MYEF2: variants seen among roughly 807,000 people sequenced by gnomAD.
MYEF2 encodes the protein myelin expression factor 2.
MYEF2 carries 37 observed loss-of-function variants against 75.2 expected under a neutral mutation model. That is an observed-to-expected ratio of 0.49 (90% CI 0.38 to 0.65). The LOEUF (loss-of-function observed/expected upper bound fraction) is 0.65, where lower values mean the gene tolerates loss of function less well. Among genes scored for constraint, MYEF2 ranks in the 30% least tolerant of loss-of-function variants. The pLI is 0.00. For synonymous variants in MYEF2, 195 were observed against 241.6 expected (o/e 0.81, Z 1.79); for missense variants, 634 against 771.4 (o/e 0.82, Z 2.11).
In MYEF2 at chr15:48,143,072, C is replaced by A; in HGVS notation, c.1640-1G>T. On this transcript the variant is annotated splice_acceptor_variant, in intron 16 of 16. Transcript: ENST00000324324. LOFTEE classifies it high-confidence loss of function. ...TTTATTTCTGCAAACATTACATGAC[C>A]TGTAAAATAAAAGTTACAGAATTAC... The A allele has an allele frequency of 6.6e-7, 1 of 1,513,030 alleles. No individual in the cohort carries two copies. Among genetic ancestry groups the A allele is most frequent in the South Asian group, 1.4e-5 (1 of 72,960 alleles). The allele number at this position is 1,513,030 out of a possible 1,614,324, so 93.7% of individuals were successfully genotyped here.
At chr15:48,170,120 CTGTTGT>C (rs748883983) in intron 1 of MYEF2, among the ~76,000 whole-genome samples, 40 of 151,586 alleles carry the variant, frequency 2.6e-4, no homozygotes, top group African/African-American at 8.5e-4. Context: ...GTTTTTGTTG[CTGTTGT>C]TGTTGTTGTT....
chr15:48,170,111 T>G (rs1263860641), intron 1 of MYEF2, among the ~76,000 whole-genome samples: 3 of 150,842 alleles, frequency 2.0e-5, no homozygotes, highest in South Asian at 2.1e-4. Flanking sequence ...TTTGTGGGGG[T>G]TTTTGTTGCT....
chr15:48,159,013 T>A (rs2039825220), intron 6 of MYEF2, 91 bp from the exon 7 acceptor site: 2 of 1,071,694 alleles, frequency 1.9e-6, no homozygotes, highest in East Asian at 5.1e-5. Flanking sequence ...CTTAAAACCA[T>A]AAAGAACCAT....
At chr15:48,148,932 C>T in intron 16 of MYEF2, 100 bp downstream of exon 16, 1 of 1,161,976 alleles carries the variant, frequency 8.6e-7, no homozygotes, top group Non-Finnish European at 1.3e-6. Context: ...CAGGAATAGG[C>T]ATCCGGACAG....
chr15:48,146,372 A>T (rs1176781387), intron 16 of MYEF2, among the ~76,000 whole-genome samples: 1 of 151,936 alleles, frequency 6.6e-6, no homozygotes, highest in Non-Finnish European at 1.5e-5. Flanking sequence ...CCTGGGGTCA[A>T]AAATGTTACC....
intron 1 of MYEF2, among the ~76,000 whole-genome samples, chr15:48,175,100 C>T (rs1378200830): frequency 6.6e-6 from 1 of 152,024 alleles, no homozygotes; most frequent in East Asian, 1.9e-4. Context: ...TATGTTTACA[C>T]AACACATCCA....
intron 1 of MYEF2, among the ~76,000 whole-genome samples, chr15:48,175,778 C>G (rs1172681457): frequency 6.6e-6 from 1 of 152,104 alleles, no homozygotes; most frequent in Non-Finnish European, 1.5e-5. Flanking sequence ...TATAATAATA[C>G]TGCTCTTTTC....
chr15:48,158,991 C>A, intron 6 of MYEF2, 69 bp from the exon 7 acceptor site: 4 of 1,341,070 alleles, frequency 3.0e-6, no homozygotes, highest in African/African-American at 2.9e-5. Flanking sequence ...TACAAAAAAT[C>A]TTTTCTAAAC....
intron 16 of MYEF2, 84 bp downstream of exon 16, chr15:48,148,948 G>C: frequency 1.4e-6 from 2 of 1,398,542 alleles, no homozygotes; most frequent in Non-Finnish European, 2.0e-6. Flanking sequence ...GACAGGCAAA[G>C]GTCTAAACAC....
intron 16 of MYEF2, among the ~76,000 whole-genome samples, chr15:48,144,111 G>T (rs1042059331): frequency 6.6e-6 from 1 of 151,864 alleles, no homozygotes; most frequent in Non-Finnish European, 1.5e-5. Context: ...GATCACTATG[G>T]GCTAATTTTA....
Position 48,142,578 on chromosome 15 carries a change from C to A in MYEF2, c.*330G>T. 2.2e-6 allele frequency: 1 copy of A among 462,080 alleles called. No individual in the cohort carries two copies. The allele number at this position is 462,080 out of a possible 1,614,324, so 28.6% of individuals were successfully genotyped here. A position where few individuals can be genotyped will look rare whatever the true frequency, so the allele number is the denominator to read the frequency against. ...TTGGGGGGAAAAAATCTATGTTTTA[C>A]CATACAATAAGTTGACAAAAACTGG... On this transcript the variant is annotated 3_prime_UTR_variant, in exon 17 of 17. Coordinates refer to ENST00000324324, the MANE Select transcript of MYEF2 (RefSeq NM_016132.5).
intron 1 of MYEF2, among the ~76,000 whole-genome samples, chr15:48,170,991 T>C (rs957973757): frequency 1.3e-5 from 2 of 152,146 alleles, no homozygotes; most frequent in African/African-American, 4.8e-5. Context: ...ATCTTCACTA[T>C]CAAACATATT....
chr15:48,168,848 T>TA lies in MYEF2; in HGVS notation c.162-10dup, dbSNP rs760533458. On this transcript the variant is annotated splice_polypyrimidine_tract_variant and intron_variant, in intron 1 of 16. Transcript: ENST00000324324. The stretch of plus-strand genomic sequence containing the variant: ...CTGATTCATCATTCTCCCTGTGAAT[T>TA]AAAAAAAGTCAAACAAACAAAAACC... The TA allele has an allele frequency of 3.3e-5, 52 of 1,599,992 alleles. No individual in the cohort carries two copies. Among genetic ancestry groups the TA allele is most frequent in the Admixed American group, 8.5e-5 (5 of 58,546 alleles).
chr15:48,165,704 T>C (rs1167280726), intron 5 of MYEF2, among the ~76,000 whole-genome samples: 1 of 152,012 alleles, frequency 6.6e-6, no homozygotes, highest in Non-Finnish European at 1.5e-5. Context: ...TTTTAAATTA[T>C]GTGCTTTTAT....
intron 1 of MYEF2, among the ~76,000 whole-genome samples, chr15:48,172,660 A>C (rs1320373867): frequency 1.3e-5 from 2 of 151,968 alleles, no homozygotes; most frequent in African/African-American, 2.4e-5. Flanking sequence ...AAATAGAAAA[A>C]TATATAAAGA....
Position 48,149,216 on chromosome 15 carries a change from T to C in MYEF2, c.1534A>G (p.Ser512Gly). The change falls in exon 15 of 17, where the codon AGC becomes GGC. Residue 512 changes from serine (S) to glycine (G), a missense_variant. Coordinates refer to ENST00000324324, the MANE Select transcript of MYEF2 (RefSeq NM_016132.5). This position sits in a 1 kb window ranked among gnomAD's most constrained non-coding sequence, Gnocchi z 4.0. ...GAGCCTATTCTCTCTCTCATTCCGC[T>C]TCCCATTGGACCCGATAAAAATCCT... is the stretch of plus-strand genomic sequence containing the variant. ...DRGFLSGPMGSGMRERIGSKG... is the reference protein window; with the variant it reads ...DRGFLSGPMGGGMRERIGSKG... 1 of 1,613,542 alleles carries C rather than the reference T, an allele frequency of 6.2e-7. No individual in the cohort carries two copies. Among genetic ancestry groups the C allele is most frequent in the Non-Finnish European group, 8.5e-7 (1 of 1,179,554 alleles).
chr15:48,163,199 T>C (rs1221546967), intron 5 of MYEF2, among the ~76,000 whole-genome samples: 1 of 152,148 alleles, frequency 6.6e-6, no homozygotes, highest in Non-Finnish European at 1.5e-5. Context: ...CCGGTTACCT[T>C]TGGGGAAGAA....
intron 16 of MYEF2, among the ~76,000 whole-genome samples, chr15:48,143,669 T>C (rs2039168247): frequency 6.6e-6 from 1 of 151,898 alleles, no homozygotes; most frequent in African/African-American, 2.4e-5. Context: ...GCTACGGAAA[T>C]AGTCATGGGA....
chr15:48,142,856 A>G lies in MYEF2; in HGVS notation c.*52T>C. 6.7e-7 allele frequency: 1 copy of G among 1,499,140 alleles called. No individual in the cohort carries two copies. Among genetic ancestry groups the G allele is most frequent in the Non-Finnish European group, 8.9e-7 (1 of 1,119,390 alleles). 92.9% of individuals were successfully genotyped at this position (1,499,140 alleles called of 1,614,324 possible). A position where few individuals can be genotyped will look rare whatever the true frequency, so the allele number is the denominator to read the frequency against. On this transcript the variant is annotated 3_prime_UTR_variant, in exon 17 of 17. Coordinates refer to ENST00000324324, the MANE Select transcript of MYEF2 (RefSeq NM_016132.5). Reference sequence around the variant, plus strand: ...ATATTACTTTAAAAAAATGACTTTTACTAGGAGATTCAGCAAAACAGATGT... The same window carrying G: ...ATATTACTTTAAAAAAATGACTTTTGCTAGGAGATTCAGCAAAACAGATGT...
Sources: allele counts gnomAD v4.1 joint callset (sites outside exome capture counted in the v4.1 genomes callset), GRCh38; gene constraint gnomAD v4.1.1; non-coding constraint Gnocchi (gnomAD v3.1); transcripts MANE v1.5; gene names NCBI Gene and HGNC (gene_info 2026-07-23, HGNC 2026-07-21).